The following ATP6V1A variants were observed in gnomAD, a reference collection of about 807,000 sequenced individuals.
The protein encoded by ATP6V1A is V-type proton ATPase catalytic subunit A.
A neutral mutation model predicts 70.1 loss-of-function variants in ATP6V1A; 18 were observed. The ratio of observed to expected loss-of-function variants is 0.26; its 90% CI spans 0.18 to 0.38. The LOEUF (loss-of-function observed/expected upper bound fraction) is 0.38, where lower values mean the gene tolerates loss of function less well. ATP6V1A is among the 10% of genes least tolerant of loss of function. The pLI is 1.00. For missense variants in ATP6V1A, 424 were observed against 772.4 expected (o/e 0.55, Z 5.35); for synonymous variants, 232 against 253.8 (o/e 0.91, Z 0.82).
chr3:113,784,698 T>G lies in ATP6V1A; in HGVS notation c.429T>G (p.Val143=), dbSNP rs769111410. The change falls in exon 5 of 15, where the codon GTT becomes GTG. Residue 143 remains valine (V), a splice_region_variant and synonymous_variant. Transcript: ENST00000273398. ...ACAGCAAATACATTTATCTCTAGGT[T>G]GGTAGTCATATCACTGGCGGAGACA... is the stretch of plus-strand genomic sequence containing the variant. The part of the protein sequence containing the change: ...WDFTPCKNLR[V]GSHITGGDIY... The G allele has an allele frequency of 5.6e-6, 9 of 1,613,910 alleles. No homozygotes were observed. Among genetic ancestry groups the G allele is most frequent in the African/African-American group, 2.7e-5 (2 of 74,940 alleles).
rs374846803 is a variant in ATP6V1A, at chr3:113,788,638, C to T, written c.717-75C>T. On this transcript the variant is annotated intron_variant, in intron 6 of 14. Coordinates refer to ENST00000273398, the MANE Select transcript of ATP6V1A (RefSeq NM_001690.4). ...TGCTGGGATTACAGGCGTGAGCCAC[C>T]GCGCCCGGCCCCTACTTTATTTATT... 5.1e-3 allele frequency: 7,408 copies of T among 1,455,172 alleles called. 36 individuals are homozygous for T. The highest frequency in any genetic ancestry group is 6.4e-3 in the Non-Finnish European group (6,877 of 1,071,036). The allele number at this position is 1,455,172 out of a possible 1,614,324, so 90.1% of individuals were successfully genotyped here. A position where few individuals can be genotyped will look rare whatever the true frequency, so the allele number is the denominator to read the frequency against.
intron 1 of ATP6V1A, among the ~76,000 whole-genome samples, chr3:113,748,365 A>G (rs1050754776): frequency 1.3e-5 from 2 of 152,200 alleles, no homozygotes; most frequent in African/African-American, 4.8e-5. Context: ...AGAAAATTCC[A>G]TGCTGCTTTT....
At position 113,768,572 on chromosome 3, in the gene ATP6V1A, T is replaced by C. The variant is rs550202918; in HGVS notation, c.-13-10169T>C. 6.7e-4 allele frequency among the ~76,000 whole-genome samples: 101 copies of C among 151,382 alleles called. 4 individuals are homozygous for C. The South Asian group carries it at 0.02, about 29-fold the overall frequency. On this transcript the variant is annotated intron_variant, in intron 1 of 14. Coordinates refer to ENST00000273398, the MANE Select transcript of ATP6V1A (RefSeq NM_001690.4). ...GATGACCAAATCCCAAAGGAGAGTATTGTTTCTCATAGCCTGTATCTTTTT... is the reference window on the plus strand; with the variant it reads ...GATGACCAAATCCCAAAGGAGAGTACTGTTTCTCATAGCCTGTATCTTTTT...
chr3:113,807,032 G>A (rs1199665670), intron 14 of ATP6V1A, among the ~76,000 whole-genome samples: 1 of 151,848 alleles, frequency 6.6e-6, no homozygotes, highest in Non-Finnish European at 1.5e-5. Context: ...AAGTAAACCT[G>A]TACAAATAGG....
chr3:113,798,022 A>G (rs752799504), intron 11 of ATP6V1A, among the ~76,000 whole-genome samples: 19 of 151,964 alleles, frequency 1.3e-4, no homozygotes, highest in Non-Finnish European at 1.5e-4. Context: ...AATCCCAGCT[A>G]CTGGTGAGGC....
chr3:113,801,845 C>T (rs758196395), intron 12 of ATP6V1A, among the ~76,000 whole-genome samples: 5 of 141,666 alleles, frequency 3.5e-5, no homozygotes, highest in African/African-American at 5.3e-5. Context: ...TGAATTTATA[C>T]AAATAATACA....
chr3:113,805,277 T>A, intron 13 of ATP6V1A, 77 bp from the exon 14 acceptor site: 3 of 1,359,626 alleles, frequency 2.2e-6, no homozygotes, highest in Non-Finnish European at 3.1e-6. Flanking sequence ...AAACTAATGC[T>A]CTAGTAGTTT....
In ATP6V1A at chr3:113,778,141, C is replaced by A. The variant is rs149251573; in HGVS notation, c.-13-600C>A. On this transcript the variant is annotated intron_variant, in intron 1 of 14. Transcript: ENST00000273398. ...TCAGTGGCTGGCTCACGTCTGTAGT[C>A]CCAGCACTTTGGGAGGCTGAGGTGG... Among the ~76,000 whole-genome samples, 1,479 of 152,198 alleles carry A rather than the reference C, an allele frequency of 9.7e-3. 19 individuals are homozygous for A. Among genetic ancestry groups the A allele is most frequent in the African/African-American group, 0.033 (1,382 of 41,526 alleles).
chr3:113,796,993 T>C (rs1709158706), intron 11 of ATP6V1A, among the ~76,000 whole-genome samples: 1 of 152,212 alleles, frequency 6.6e-6, no homozygotes, highest in South Asian at 2.1e-4. Flanking sequence ...TGGAGTGCAA[T>C]GGCACAAACT....
chr3:113,790,247 G>A (rs1442683607), intron 8 of ATP6V1A, among the ~76,000 whole-genome samples: 5 of 144,280 alleles, frequency 3.5e-5, no homozygotes, highest in South Asian at 2.2e-4. Flanking sequence ...AGGTTGCAGC[G>A]AGCCGAGATC....
At chr3:113,784,169 T>G in intron 3 of ATP6V1A, 55 bp from the exon 4 acceptor site, 2 of 1,507,266 alleles carry the variant, frequency 1.3e-6, no homozygotes, top group East Asian at 4.5e-5. Flanking sequence ...TGGTATTTCC[T>G]GTTAATTGTG....
intron 1 of ATP6V1A, among the ~76,000 whole-genome samples, chr3:113,756,609 G>T (rs1452184232): frequency 6.6e-6 from 1 of 152,216 alleles, no homozygotes; most frequent in African/African-American, 2.4e-5. Flanking sequence ...AACAATGTCA[G>T]TATGAGAGGT....
chr3:113,748,400 C>T (rs1414514745), intron 1 of ATP6V1A, among the ~76,000 whole-genome samples: 1 of 152,156 alleles, frequency 6.6e-6, no homozygotes, highest in East Asian at 1.9e-4. Flanking sequence ...ACGAATATTA[C>T]AAATTTGATT....
chr3:113,790,469 C>T lies in ATP6V1A; in HGVS notation c.988+629C>T, dbSNP rs533751340. 9.9e-5 allele frequency among the ~76,000 whole-genome samples: 15 copies of T among 151,872 alleles called. 2 individuals are homozygous for T. The highest frequency in any genetic ancestry group is 3.4e-4 in the African/African-American group (14 of 41,388). On this transcript the variant is annotated intron_variant, in intron 8 of 14. Coordinates refer to ENST00000273398, the MANE Select transcript of ATP6V1A (RefSeq NM_001690.4). ...TGATCTAGTTTTAAATATACTTGTA[C>T]CTTTGTAACTTGAATTATCAGCTTT...
intron 12 of ATP6V1A, 79 bp downstream of exon 12, chr3:113,798,525 T>G: frequency 8.0e-7 from 1 of 1,248,474 alleles, no homozygotes; most frequent in Non-Finnish European, 1.1e-6. Context: ...CCTTGGATAT[T>G]ACAGATTCTT....
chr3:113,769,287 A>G (rs943868038), intron 1 of ATP6V1A, among the ~76,000 whole-genome samples: 1 of 152,236 alleles, frequency 6.6e-6, no homozygotes, highest in East Asian at 1.9e-4. Context: ...GATTTAAGAT[A>G]CCTTTCTCTA....
chr3:113,801,284 T>A (rs531029324), intron 12 of ATP6V1A: 14 of 151,794 alleles, frequency 9.2e-5, no homozygotes, highest in African/African-American at 3.4e-4. Context: ...AAAGATCTCC[T>A]GTAAGTTAAT....
At chr3:113,753,592 A>G (rs1708613668) in intron 1 of ATP6V1A, among the ~76,000 whole-genome samples, 1 of 152,118 alleles carries the variant, frequency 6.6e-6, no homozygotes, top group Non-Finnish European at 1.5e-5. Flanking sequence ...TGGCCGAGGC[A>G]TTTTATGGAA....
chr3:113,801,236 T>A (rs200318016), intron 12 of ATP6V1A: 5 of 5,734 alleles, frequency 8.7e-4, no homozygotes, highest in African/African-American at 2.9e-3. Context: ...TTTAAAAAAA[T>A]TAAAAAAAAA....
Sources: allele counts gnomAD v4.1 joint callset (sites outside exome capture counted in the v4.1 genomes callset), GRCh38; gene constraint gnomAD v4.1.1; transcripts MANE v1.5; gene names NCBI Gene and HGNC (gene_info 2026-07-23, HGNC 2026-07-21).